Variants in PITPNC1 observed in about 807,000 individuals in gnomAD.
PITPNC1 encodes the protein phosphatidylinositol transfer protein cytoplasmic 1.
A neutral mutation model predicts 44.7 loss-of-function variants in PITPNC1; 18 were observed. That is an observed-to-expected ratio of 0.40 (90% CI 0.28 to 0.60). PITPNC1 has a LOEUF of 0.60. PITPNC1 is among the 20% of genes least tolerant of loss of function. PITPNC1 has a pLI of 0.39. For missense variants in PITPNC1, 290 were observed against 418.4 expected (o/e 0.69, Z 2.68); for synonymous variants, 141 against 149.6 (o/e 0.94, Z 0.42).
intron 1 of PITPNC1, among the ~76,000 whole-genome samples, chr17:67,383,823 G>C (rs1453330896): frequency 2.6e-5 from 4 of 152,186 alleles, no homozygotes; most frequent in African/African-American, 9.7e-5. Context: ...TGGATCACCT[G>C]AGGTCGGGAG....
intron 4 of PITPNC1, among the ~76,000 whole-genome samples, chr17:67,557,665 T>G (rs1042167339): frequency 6.6e-6 from 1 of 152,182 alleles, no homozygotes; most frequent in African/African-American, 2.4e-5. Flanking sequence ...ACCTCTTGAC[T>G]CAGATTCAGC....
At chr17:67,565,515 G>GTT (rs59484159) in intron 4 of PITPNC1, among the ~76,000 whole-genome samples, 2 of 6,732 alleles carry the variant, frequency 3.0e-4, no homozygotes, top group East Asian at 2.5e-3. Flanking sequence ...GTTTTTCCAT[G>GTT]TTTTTTGGTG....
At chr17:67,546,101 G>A (rs894288232) in intron 2 of PITPNC1, among the ~76,000 whole-genome samples, 4 of 151,804 alleles carry the variant, frequency 2.6e-5, no homozygotes, top group Admixed American at 6.6e-5. Flanking sequence ...GCTGAGGCAG[G>A]AGAATCACTT....
intron 5 of PITPNC1, chr17:67,613,358 T>G (rs1168817703): frequency 2.6e-5 from 4 of 152,182 alleles, no homozygotes; most frequent in African/African-American, 9.7e-5. Flanking sequence ...GATCTGGAAT[T>G]CAGGAAAAGT....
intron 8 of PITPNC1, among the ~76,000 whole-genome samples, chr17:67,692,200 C>G (rs2042939587): frequency 6.6e-6 from 1 of 152,076 alleles, no homozygotes; most frequent in Non-Finnish European, 1.5e-5. Flanking sequence ...GCTCCAAATA[C>G]CCCACACCAG....
At chr17:67,478,224 G>GTTTC (rs2039657454) in intron 1 of PITPNC1, among the ~76,000 whole-genome samples, 4 of 152,154 alleles carry the variant, frequency 2.6e-5, no homozygotes, top group Non-Finnish European at 5.9e-5. Flanking sequence ...ATCCCTGCTG[G>GTTTC]ACTTGAGTTT....
chr17:67,562,956 T>G (rs1299908717), intron 4 of PITPNC1, among the ~76,000 whole-genome samples: 1 of 152,212 alleles, frequency 6.6e-6, no homozygotes, highest in Non-Finnish European at 1.5e-5. Flanking sequence ...TATACACATT[T>G]ATCATCCACT....
At chr17:67,641,678 T>G (rs2042093999) in intron 6 of PITPNC1, among the ~76,000 whole-genome samples, 1 of 151,682 alleles carries the variant, frequency 6.6e-6, no homozygotes, top group Non-Finnish European at 1.5e-5. Context: ...ATGCCTGGAG[T>G]ACCAGCTACT....
chr17:67,396,071 A>C (rs1420594750), intron 1 of PITPNC1, among the ~76,000 whole-genome samples: 4 of 152,210 alleles, frequency 2.6e-5, no homozygotes, highest in African/African-American at 7.2e-5. Flanking sequence ...AGCATGACTT[A>C]TAGTACTGCA....
chr17:67,487,449 A>G (rs1253887568), intron 1 of PITPNC1, among the ~76,000 whole-genome samples: 1 of 152,204 alleles, frequency 6.6e-6, no homozygotes, highest in East Asian at 1.9e-4. Context: ...TGCTGGGATT[A>G]CAGGCATGAG....
intron 1 of PITPNC1, chr17:67,379,285 A>G (rs926251969): frequency 8.1e-6 from 8 of 985,168 alleles, no homozygotes; most frequent in African/African-American, 7.0e-5. Flanking sequence ...TTGAGCCACT[A>G]CTTGGTGAGA....
intron 1 of PITPNC1, among the ~76,000 whole-genome samples, chr17:67,475,737 G>A (rs1167718286): frequency 1.3e-5 from 2 of 152,208 alleles, no homozygotes; most frequent in African/African-American, 4.8e-5. Context: ...GGGAATGCGT[G>A]TTTGCTTTGT....
At chr17:67,625,432 T>G (rs781603707) in intron 5 of PITPNC1, among the ~76,000 whole-genome samples, 2 of 152,162 alleles carry the variant, frequency 1.3e-5, no homozygotes, top group Non-Finnish European at 2.9e-5. Context: ...AGCCGGGAGT[T>G]GTACCAGAGC....
intron 6 of PITPNC1, among the ~76,000 whole-genome samples, chr17:67,665,372 C>T (rs963552699): frequency 2.6e-5 from 4 of 152,136 alleles, no homozygotes; most frequent in African/African-American, 4.8e-5. Context: ...GGGTTACAGG[C>T]GTGAGCCACT....
chr17:67,644,657 A>C (rs1156449144), intron 6 of PITPNC1, among the ~76,000 whole-genome samples: 4 of 151,434 alleles, frequency 2.6e-5, no homozygotes, highest in Non-Finnish European at 5.9e-5. Context: ...CTGCTCTCGA[A>C]CTCCTGACTT....
intron 1 of PITPNC1, among the ~76,000 whole-genome samples, chr17:67,425,197 G>GCGCGCGCGCGCGCGCGCGCA (rs748898605): frequency 7.1e-5 from 7 of 98,428 alleles, no homozygotes; most frequent in African/African-American, 1.1e-4. Context: ...GCGCGCGCAC[G>GCGCGCGCGCGCGCGCGCGCA]CACACGCACA....
At chr17:67,482,664 G>C (rs2039719923) in intron 1 of PITPNC1, among the ~76,000 whole-genome samples, 2 of 152,176 alleles carry the variant, frequency 1.3e-5, no homozygotes, top group African/African-American at 4.8e-5. Context: ...TTTCAAGGGA[G>C]ACAGTAGGAA....
intron 4 of PITPNC1, among the ~76,000 whole-genome samples, chr17:67,558,253 G>A (rs1376632325): frequency 6.6e-6 from 1 of 151,866 alleles, no homozygotes; most frequent in African/African-American, 2.4e-5. Context: ...ATTTGCCCAG[G>A]AAGTGGGAAA....
At chr17:67,502,223 T>C (rs1192729392) in intron 1 of PITPNC1, among the ~76,000 whole-genome samples, 2 of 152,156 alleles carry the variant, frequency 1.3e-5, no homozygotes, top group Non-Finnish European at 2.9e-5. Flanking sequence ...TTATGAATTA[T>C]TCCTTAGTGC....
Sources: gnomAD v4.1 joint callset for allele counts (sites outside exome capture counted in the v4.1 genomes callset) on GRCh38, gnomAD v4.1.1 for gene constraint, MANE v1.5 for transcripts, NCBI Gene and HGNC (gene_info 2026-07-23, HGNC 2026-07-21) for gene names.